OIP5: variants seen among roughly 807,000 people sequenced by gnomAD.
The protein encoded by OIP5 is protein Mis18-beta.
In OIP5, 24 loss-of-function variants were observed where a neutral mutation model predicts 20.3. That is an observed-to-expected ratio of 1.18 (90% confidence interval 0.86 to 1.66). The LOEUF is 1.66. Ranked by LOEUF, OIP5 falls within the 40% of genes most tolerant of loss-of-function variation. The pLI, the probability that OIP5 is intolerant of heterozygous loss-of-function variation, is 0.00. For missense variants in OIP5, 339 were observed against 289.5 expected, an observed-to-expected ratio of 1.17 and a Z score of -1.24; for synonymous variants, 143 against 121.3, an observed-to-expected ratio of 1.18 and a Z score of -1.17.
intron 1 of OIP5, 29 bp downstream of exon 1, chr15:41,332,211 G>A: frequency 6.6e-7 from 1 of 1,526,070 alleles, no homozygotes; most frequent in Non-Finnish European, 8.8e-7. Context: ...GCTAGCCTCT[G>A]CCTTTCCCGA....
intron 2 of OIP5, among the ~76,000 whole-genome samples, chr15:41,325,894 G>A (rs1477778744): frequency 6.6e-6 from 1 of 151,874 alleles, no homozygotes; most frequent in African/African-American, 2.4e-5. Context: ...GGGCATAGTG[G>A]CTCACACCTG....
At position 41,317,783 on chromosome 15, in the gene OIP5, A is replaced by G. The variant is rs147527396; in HGVS notation, c.512+1875T>C. ...AACCTTGAACTCCTGGGCTGTAGCTATCCTCCCACCTTAGCCTCCAGAGTA... is the reference window on the plus strand; with the variant it reads ...AACCTTGAACTCCTGGGCTGTAGCTGTCCTCCCACCTTAGCCTCCAGAGTA... On this transcript the variant is annotated intron_variant, in intron 3 of 4. Transcript: ENST00000220514. 3.6e-3 allele frequency among the ~76,000 whole-genome samples: 543 copies of G among 152,246 alleles called. 1 individual carries two copies. The highest frequency in any genetic ancestry group is 6.4e-3 in the Non-Finnish European group (433 of 68,014).
chr15:41,322,717 C>T (rs1457608373), intron 2 of OIP5, among the ~76,000 whole-genome samples: 2 of 152,008 alleles, frequency 1.3e-5, no homozygotes, highest in Non-Finnish European at 2.9e-5. Flanking sequence ...GGTGGATCAC[C>T]TGAGGTCAGG....
chr15:41,327,580 G>A (rs2047869957), intron 2 of OIP5, among the ~76,000 whole-genome samples: 1 of 148,240 alleles, frequency 6.7e-6, no homozygotes, highest in African/African-American at 2.6e-5. Flanking sequence ...ACGAAGTCAG[G>A]AGATTAAGAC....
chr15:41,329,201 C>T (rs1264874850), intron 2 of OIP5, among the ~76,000 whole-genome samples: 7 of 151,446 alleles, frequency 4.6e-5, no homozygotes, highest in Non-Finnish European at 1.0e-4. Context: ...TGAACCTACA[C>T]TTAGAAAAAA....
rs1449908823 is a variant in OIP5, at chr15:41,332,546, G to A, written c.16C>T (p.Leu6=). The part of the protein sequence containing the change: MAAQP[L]RHRSRCATPP... Reference sequence around the variant, plus strand: ...GTTGCACAACGTGAGCGATGCCGCAGCGGCTGAGCCGCCATCTTCCCGCAG... The same window carrying A: ...GTTGCACAACGTGAGCGATGCCGCAACGGCTGAGCCGCCATCTTCCCGCAG... Residue 6 remains leucine (L), a synonymous_variant, in exon 1 of 5, where the codon CTG becomes TTG. Transcript: ENST00000220514. 19 of 1,604,984 alleles carry A rather than the reference G, an allele frequency of 1.2e-5. No homozygotes were observed. The highest frequency in any genetic ancestry group is 1.6e-5 in the Non-Finnish European group (19 of 1,176,216).
At chr15:41,331,167 A>C (rs2047904267) in intron 2 of OIP5, among the ~76,000 whole-genome samples, 1 of 152,206 alleles carries the variant, frequency 6.6e-6, no homozygotes, top group Non-Finnish European at 1.5e-5. Context: ...CTCAATGTTA[A>C]AGCCAAAACT....
chr15:41,311,251 C>T (rs1184389665), intron 4 of OIP5, among the ~76,000 whole-genome samples: 4 of 151,966 alleles, frequency 2.6e-5, no homozygotes, highest in African/African-American at 7.3e-5. Flanking sequence ...CACGGTAGTG[C>T]GCGCCTGTAG....
chr15:41,321,058 G>A (rs1319706106), intron 2 of OIP5, among the ~76,000 whole-genome samples: 2 of 124,984 alleles, frequency 1.6e-5, no homozygotes, highest in Non-Finnish European at 3.8e-5. Context: ...CAGCCTCCCT[G>A]TCTGAGAAGT....
At chr15:41,325,098 A>ATGAT (rs1356367746) in intron 2 of OIP5, among the ~76,000 whole-genome samples, 1 of 152,142 alleles carries the variant, frequency 6.6e-6, no homozygotes, top group African/African-American at 2.4e-5. Flanking sequence ...AACAGACATA[A>ATGAT]TGATGAAAAG....
At chr15:41,330,388 C>T (rs1243679831) in intron 2 of OIP5, among the ~76,000 whole-genome samples, 1 of 151,594 alleles carries the variant, frequency 6.6e-6, no homozygotes, top group Non-Finnish European at 1.5e-5. Flanking sequence ...GCGTAAGCCA[C>T]CGCTCCCAGC....
At chr15:41,317,050 CTTAAG>C (rs769736450) in intron 3 of OIP5, among the ~76,000 whole-genome samples, 29 of 151,996 alleles carry the variant, frequency 1.9e-4, no homozygotes, top group Non-Finnish European at 2.2e-4. Flanking sequence ...AGTAAAAAAG[CTTAAG>C]TTAAAAGTGC....
intron 2 of OIP5, among the ~76,000 whole-genome samples, chr15:41,321,352 G>A (rs1428518365): frequency 2.0e-5 from 3 of 150,556 alleles, no homozygotes; most frequent in African/African-American, 4.9e-5. Context: ...GGTGATGGGC[G>A]CCTCTGCCCG....
chr15:41,324,814 ATTTGGCATGAC>A (rs2047851816), intron 2 of OIP5, among the ~76,000 whole-genome samples: 1 of 151,996 alleles, frequency 6.6e-6, no homozygotes, highest in East Asian at 1.9e-4. Context: ...CATATTCACA[ATTTGGCATGAC>A]TTCACATGCC....
At chr15:41,328,885 C>T (rs1241436696) in intron 2 of OIP5, among the ~76,000 whole-genome samples, 2 of 151,610 alleles carry the variant, frequency 1.3e-5, no homozygotes, top group African/African-American at 4.8e-5. Flanking sequence ...TGGTGAAACC[C>T]CGTCTCTACT....
At position 41,312,939 on chromosome 15, in the gene OIP5, A is replaced by G. The variant is rs1160239341; in HGVS notation, c.594+334T>C. Among the ~76,000 whole-genome samples the G allele has an allele frequency of 2.0e-5, 3 of 152,154 alleles. No individual in the cohort carries two copies. In the East Asian group the frequency reaches 5.8e-4, roughly 29 times the overall value. On this transcript the variant is annotated intron_variant, in intron 4 of 4. Coordinates refer to ENST00000220514, the MANE Select transcript of OIP5 (RefSeq NM_007280.2). ...CACCACGCCCGGCCAGGAATTCTTA[A>G]TAACTGTTTCATCACTCTTATGTCT...
rs187456814 is a variant in OIP5 at position 41,311,833 on chromosome 15, T to C, written c.594+1440A>G. On this transcript the variant is annotated intron_variant, in intron 4 of 4. Coordinates refer to ENST00000220514, the MANE Select transcript of OIP5 (RefSeq NM_007280.2). Reference sequence around the variant, plus strand: ...CACCCACCTCGGCTTCTCAAAGTGCTGGGATTACAGGTGTGAGCCACCGCA... The same window carrying C: ...CACCCACCTCGGCTTCTCAAAGTGCCGGGATTACAGGTGTGAGCCACCGCA... Among the ~76,000 whole-genome samples the C allele has an allele frequency of 2.9e-4, 30 of 104,072 alleles. 1 individual carries two copies. Among genetic ancestry groups the C allele is most frequent in the African/African-American group, 8.0e-4 (30 of 37,610 alleles). 68.3% of individuals were successfully genotyped at this position (104,072 alleles called of 152,430 possible). A position where few individuals can be genotyped will look rare whatever the true frequency, so the allele number is the denominator to read the frequency against.
rs763650389 is a variant in OIP5 at position 41,313,334 on chromosome 15, G to A, written c.533C>T (p.Ala178Val). Residue 178 changes from alanine (A) to valine (V), a missense_variant, in exon 4 of 5, where the codon GCC (alanine) becomes GTC (valine). Ala to Val is a moderately conservative substitution (Grantham distance 64). Coordinates refer to ENST00000220514, the MANE Select transcript of OIP5 (RefSeq NM_007280.2). ...KMVCYLLKTKAIVNASEMDIQ... is the reference protein window; with the variant it reads ...KMVCYLLKTKVIVNASEMDIQ... ...ATCCATCTCTGATGCATTTACTATG[G>A]CTTTTGTTTTTAAGAGATAGCTAGA... 3 of 1,600,224 alleles carry A rather than the reference G, an allele frequency of 1.9e-6. No individual in the cohort carries two copies. The South Asian group carries it at 3.3e-5, about 18-fold the overall frequency.
intron 3 of OIP5, among the ~76,000 whole-genome samples, chr15:41,317,990 C>T (rs2047798153): frequency 6.6e-6 from 1 of 151,954 alleles, no homozygotes; most frequent in Non-Finnish European, 1.5e-5. Flanking sequence ...GGTATTCATT[C>T]TTGATCCAGT....
Sources: allele counts gnomAD v4.1 joint callset (sites outside exome capture counted in the v4.1 genomes callset), GRCh38; gene constraint gnomAD v4.1.1; transcripts MANE v1.5; gene names NCBI Gene and HGNC (gene_info 2026-07-23, HGNC 2026-07-21).